TASP1: variants seen among roughly 807,000 people sequenced by gnomAD.
TASP1 encodes threonine aspartase 1.
In TASP1, 16 loss-of-function variants were observed where a neutral mutation model predicts 56.6. That is an observed-to-expected ratio of 0.28 (90% CI 0.19 to 0.43). TASP1 has a LOEUF of 0.43. Ranked by LOEUF, TASP1 falls within the 20% of genes least tolerant of loss-of-function variation. TASP1 has a pLI of 1.00. For missense variants in TASP1, 393 were observed against 511.6 expected (o/e 0.77, Z 2.24); for synonymous variants, 179 against 184.2 (o/e 0.97, Z 0.23).
the TASP1 span, among the ~76,000 whole-genome samples, chr20:13,296,406 A>G: frequency 6.6e-6 from 1 of 152,222 alleles, no homozygotes; most frequent in African/African-American, 2.4e-5. Flanking sequence ...CAGTAAGGAG[A>G]GGATTTATTC....
chr20:13,593,612 CTG>C (rs888322541), intron 4 of TASP1, among the ~76,000 whole-genome samples: 1 of 152,220 alleles, frequency 6.6e-6, no homozygotes, highest in African/African-American at 2.4e-5. Context: ...GCGCAGCAGT[CTG>C]AGATCAACCT....
At chr20:13,362,137 A>G in the TASP1 span, among the ~76,000 whole-genome samples, 1 of 149,910 alleles carries the variant, frequency 6.7e-6, no homozygotes, top group East Asian at 2.0e-4. Flanking sequence ...CCTGAGAAAC[A>G]TCGCCCATTC....
At chr20:13,535,282 T>C (rs1480005052) in intron 8 of TASP1, among the ~76,000 whole-genome samples, 1 of 152,170 alleles carries the variant, frequency 6.6e-6, no homozygotes, top group Non-Finnish European at 1.5e-5. Flanking sequence ...AGTTTCTAAA[T>C]AGTGGAAGCA....
At chr20:13,131,302 T>A in the TASP1 span, among the ~76,000 whole-genome samples, 3 of 152,248 alleles carry the variant, frequency 2.0e-5, no homozygotes, top group Non-Finnish European at 2.9e-5. Context: ...AGAGTTTGTA[T>A]GATGTGGCTA....
chr20:13,491,548 T>G (rs991347661), intron 10 of TASP1, among the ~76,000 whole-genome samples: 1 of 152,198 alleles, frequency 6.6e-6, no homozygotes, highest in African/African-American at 2.4e-5. Context: ...CATTTATAAT[T>G]GTTTTTAACT....
intron 7 of TASP1, among the ~76,000 whole-genome samples, chr20:13,569,135 C>T (rs1373652382): frequency 5.3e-5 from 8 of 151,966 alleles, no homozygotes; most frequent in Non-Finnish European, 7.4e-5. Flanking sequence ...GCATTTGTAT[C>T]TAAAAAGTCC....
chr20:13,279,155 C>T, the TASP1 span, among the ~76,000 whole-genome samples: 1 of 152,050 alleles, frequency 6.6e-6, no homozygotes, highest in African/African-American at 2.4e-5. Flanking sequence ...ACAGGTGGAG[C>T]ATTTAGGATA....
the TASP1 span, among the ~76,000 whole-genome samples, chr20:13,119,905 G>A: frequency 1.3e-5 from 2 of 152,210 alleles, no homozygotes; most frequent in Non-Finnish European, 2.9e-5. Context: ...AATGATTTTG[G>A]TCAGACTGTG....
At chr20:13,366,518 G>T in the TASP1 span, among the ~76,000 whole-genome samples, 12 of 151,998 alleles carry the variant, frequency 7.9e-5, no homozygotes, top group African/African-American at 2.9e-4. Context: ...CACTATTTCA[G>T]CCCCAAAACA....
At chr20:13,417,348 C>CA (rs2042290245) in intron 13 of TASP1, 100 bp downstream of exon 13, 20 of 1,281,116 alleles carry the variant, frequency 1.6e-5, no homozygotes, top group Admixed American at 4.2e-5. Context: ...AGCTACTGCC[C>CA]AAAAAAAGCT....
At chr20:13,261,540 G>C in the TASP1 span, among the ~76,000 whole-genome samples, 2 of 152,068 alleles carry the variant, frequency 1.3e-5, no homozygotes, top group Admixed American at 6.5e-5. Context: ...TCTACCATAA[G>C]TGCAGAGGTG....
At chr20:13,264,060 C>T in the TASP1 span, among the ~76,000 whole-genome samples, 3 of 152,152 alleles carry the variant, frequency 2.0e-5, no homozygotes, top group African/African-American at 7.2e-5. Context: ...ACTAGGCCCT[C>T]GTTACCCAAT....
intron 8 of TASP1, among the ~76,000 whole-genome samples, chr20:13,552,661 G>C (rs1235327381): frequency 6.6e-6 from 1 of 152,054 alleles, no homozygotes; most frequent in African/African-American, 2.4e-5. Context: ...AGAGCAAAAG[G>C]TAGAATGTTG....
chr20:13,333,193 T>C, the TASP1 span, among the ~76,000 whole-genome samples: 3 of 152,234 alleles, frequency 2.0e-5, no homozygotes, highest in Non-Finnish European at 4.4e-5. Context: ...GCCTGGCATG[T>C]ACGTGGAGAA....
At chr20:13,148,973 C>T in the TASP1 span, among the ~76,000 whole-genome samples, 2 of 152,196 alleles carry the variant, frequency 1.3e-5, no homozygotes, top group Non-Finnish European at 1.5e-5. Context: ...GTAAGATAAG[C>T]TTATCTCTAA....
At chr20:13,300,902 C>A in the TASP1 span, among the ~76,000 whole-genome samples, 8 of 152,212 alleles carry the variant, frequency 5.3e-5, no homozygotes. Context: ...CAAACCAGAG[C>A]AAAGGCTTAA....
intron 5 of TASP1, among the ~76,000 whole-genome samples, chr20:13,585,125 T>C (rs541756248): frequency 6.6e-6 from 1 of 152,246 alleles, no homozygotes; most frequent in South Asian, 2.1e-4. Flanking sequence ...TTCCTTTCAA[T>C]AGAGGGCAAT....
the TASP1 span, among the ~76,000 whole-genome samples, chr20:13,204,303 C>T: frequency 6.6e-6 from 1 of 152,116 alleles, no homozygotes; most frequent in Admixed American, 6.6e-5. Context: ...GTCTGAGCCA[C>T]TTTTATTCAA....
chr20:13,368,581 T>G, the TASP1 span: 1 of 152,266 alleles, frequency 6.6e-6, no homozygotes, highest in East Asian at 1.9e-4. Context: ...AGCAGTCTTC[T>G]GCATTTTGGA....
Sources: gnomAD v4.1 joint callset for allele counts (sites outside exome capture counted in the v4.1 genomes callset) on GRCh38, gnomAD v4.1.1 for gene constraint, MANE v1.5 for transcripts, NCBI Gene and HGNC (gene_info 2026-07-23, HGNC 2026-07-21) for gene names.